The following CRTC3 variants were observed in gnomAD, a reference collection of about 807,000 sequenced individuals.
The protein encoded by CRTC3 is CREB regulated transcription coactivator 3.
CRTC3 carries 26 observed loss-of-function variants against 74.5 expected under a neutral mutation model. The ratio of observed to expected loss-of-function variants is 0.35; its 90% CI spans 0.26 to 0.48. The LOEUF is 0.48. CRTC3 is among the 20% of genes least tolerant of loss of function. The probability of loss-of-function intolerance (pLI) is 0.99; values close to 1 mark genes in which losing one functional copy is unlikely to be tolerated. For synonymous variants in CRTC3, 377 were observed against 325.8 expected, an observed-to-expected ratio of 1.16 and a Z score of -1.69; for missense variants, 760 against 787.3, an observed-to-expected ratio of 0.97 and a Z score of 0.41.
At chr15:90,586,946 T>A (rs1414477438) in intron 2 of CRTC3, among the ~76,000 whole-genome samples, 1 of 152,242 alleles carries the variant, frequency 6.6e-6, no homozygotes, top group Non-Finnish European at 1.5e-5. Context: ...TTCAGCTCAT[T>A]TCCTAACTTA....
At chr15:90,630,756 ATTTTTTTTTTTTTTTTTT>A (rs1175467073) in intron 11 of CRTC3, among the ~76,000 whole-genome samples, 1 of 23,632 alleles carries the variant, frequency 4.2e-5, no homozygotes, top group African/African-American at 1.1e-4. Flanking sequence ...TTACAGCATC[ATTTTTTTTTTTTTTTTTT>A]TTTTTTTTTT....
Position 90,638,145 on chromosome 15 carries a change from TAAAAC to T in CRTC3, c.1267-289_1267-285del, listed in dbSNP as rs71463752. The T allele has an allele frequency of 4.5e-5, 16 of 356,966 alleles. No individual in the cohort carries two copies. The East Asian group carries it at 6.8e-4, about 15-fold the overall frequency. The allele number at this position is 356,966 out of a possible 1,614,324, so 22.1% of individuals were successfully genotyped here. ...CACTTTTAACCAGAAGACACGGCTA[TAAAAC>T]AAAACAAAACATGATTTTCACGGAG... On this transcript the variant is annotated intron_variant, in intron 11 of 14. Coordinates refer to ENST00000268184, the MANE Select transcript of CRTC3 (RefSeq NM_022769.5).
intron 2 of CRTC3, among the ~76,000 whole-genome samples, chr15:90,554,599 T>C (rs1040792229): frequency 3.9e-5 from 6 of 152,262 alleles, no homozygotes; most frequent in African/African-American, 1.4e-4. Context: ...AACTACAGCG[T>C]AGGCTTGGGC....
rs982858018 is a variant in CRTC3 at position 90,614,375 on chromosome 15, G to A, written c.578-78G>A. 4.8e-6 allele frequency: 5 copies of A among 1,045,814 alleles called. No individual in the cohort carries two copies. In the Admixed American group the frequency reaches 6.1e-5, roughly 13 times the overall value. 64.8% of individuals were successfully genotyped at this position (1,045,814 alleles called of 1,614,324 possible). A position where few individuals can be genotyped will look rare whatever the true frequency, so the allele number is the denominator to read the frequency against. On this transcript the variant is annotated intron_variant, in intron 6 of 14. Transcript: ENST00000268184. ...AAAATTCTATTTCAAATCATAAAGA[G>A]TTACTGATTCATAAATTCATGAAAA...
intron 7 of CRTC3, among the ~76,000 whole-genome samples, chr15:90,615,063 AAAAT>A (rs746767999): frequency 0.011 from 1,646 of 151,822 alleles, 37 homozygotes; most frequent in African/African-American, 0.037. Context: ...ACTCCGTCTA[AAAAT>A]AAATAAATAA....
rs539844351 is a variant in CRTC3, at chr15:90,530,710, T to A, written c.132+507T>A. 21 of 152,340 alleles carry A rather than the reference T, an allele frequency of 1.4e-4. No homozygotes were observed. Among genetic ancestry groups the A allele is most frequent in the African/African-American group, 5.1e-4 (21 of 41,546 alleles). The allele number at this position is 152,340 out of a possible 1,614,324, so 9.4% of individuals were successfully genotyped here. ...ATCCAGGGCCCGGCCCTGGGGTGGC[T>A]CGGGTTGTTGGAACCACGACGGGAT... On this transcript the variant is annotated intron_variant, in intron 1 of 14. Transcript: ENST00000268184. The surrounding 1 kb of genome is among the most constrained non-coding windows in gnomAD (Gnocchi z 6.2).
intron 11 of CRTC3, among the ~76,000 whole-genome samples, chr15:90,636,343 T>C (rs1166455781): frequency 6.8e-6 from 1 of 147,360 alleles, no homozygotes; most frequent in African/African-American, 2.5e-5. Flanking sequence ...CTGGGAAAAC[T>C]GGCTAGCCAT....
chr15:90,585,564 G>T (rs1967641180), intron 2 of CRTC3, among the ~76,000 whole-genome samples: 1 of 152,158 alleles, frequency 6.6e-6, no homozygotes, highest in Non-Finnish European at 1.5e-5. Context: ...AAGCGGTGAG[G>T]TAAAGAGAAT....
At chr15:90,554,576 C>T (rs541069324) in intron 2 of CRTC3, among the ~76,000 whole-genome samples, 1 of 152,346 alleles carries the variant, frequency 6.6e-6, no homozygotes, top group African/African-American at 2.4e-5. Flanking sequence ...ATCGCTGACA[C>T]CTCTATTGCC....
intron 12 of CRTC3, 29 bp downstream of exon 12, chr15:90,638,675 A>T: frequency 6.2e-7 from 1 of 1,612,992 alleles, no homozygotes; most frequent in Middle Eastern, 1.6e-4. Flanking sequence ...GTTGGTGCAG[A>T]GGGAATGCTT....
chr15:90,587,943 T>C (rs913120054), intron 2 of CRTC3, among the ~76,000 whole-genome samples: 12 of 148,460 alleles, frequency 8.1e-5, no homozygotes, highest in Admixed American at 5.4e-4. Context: ...GACTTACACC[T>C]CCCTTGTTCT....
Position 90,641,921 on chromosome 15 carries a change from A to C in CRTC3, c.1652-11A>C, listed in dbSNP as rs559865447. ...AACCGCACTGTTTTCCCCTCTGGCC[A>C]CTCCTTTCAGAAGACTCCAGCACCA... On this transcript the variant is annotated splice_polypyrimidine_tract_variant and intron_variant, in intron 14 of 14. Coordinates refer to ENST00000268184, the MANE Select transcript of CRTC3 (RefSeq NM_022769.5). 6.2e-7 allele frequency: 1 copy of C among 1,612,216 alleles called. No individual in the cohort carries two copies. Among genetic ancestry groups the C allele is most frequent in the Non-Finnish European group, 8.5e-7 (1 of 1,179,466 alleles).
intron 2 of CRTC3, among the ~76,000 whole-genome samples, chr15:90,588,370 T>C (rs1264027172): frequency 6.6e-6 from 1 of 152,048 alleles, no homozygotes; most frequent in Non-Finnish European, 1.5e-5. Context: ...AAACTCAGAC[T>C]CTCAACAAAC....
chr15:90,616,971 G>A (rs758671367), intron 7 of CRTC3, among the ~76,000 whole-genome samples: 25 of 152,114 alleles, frequency 1.6e-4, no homozygotes, highest in Middle Eastern at 3.4e-3. Flanking sequence ...CCATTTCATC[G>A]TTGTTGCAGG....
chr15:90,593,743 G>A lies in CRTC3; in HGVS notation c.339G>A (p.Lys113=), dbSNP rs775455598. 3.7e-6 allele frequency: 6 copies of A among 1,602,926 alleles called. No individual in the cohort carries two copies. The highest frequency in any genetic ancestry group is 5.1e-6 in the Non-Finnish European group (6 of 1,170,916). The change falls in exon 3 of 15, where the codon AAG becomes AAA. Residue 113 remains lysine (K), a synonymous_variant. Coordinates refer to ENST00000268184, the MANE Select transcript of CRTC3 (RefSeq NM_022769.5). The stretch of plus-strand genomic sequence containing the variant: ...CCCTCCACCGAAGGTCTGGGGACAA[G>A]CCAGGGCGACAAATATCCTTTTTTA... The part of the protein sequence containing the change: ...FHPLHRRSGD[K]PGRQFDGSAF...
intron 2 of CRTC3, among the ~76,000 whole-genome samples, chr15:90,587,310 A>G (rs1967688233): frequency 6.6e-6 from 1 of 152,086 alleles, no homozygotes; most frequent in Non-Finnish European, 1.5e-5. Context: ...TTAGCTCTAA[A>G]CTTCTACCTG....
chr15:90,595,203 T>G (rs1333430377), intron 3 of CRTC3: 1 of 152,244 alleles, frequency 6.6e-6, no homozygotes, highest in African/African-American at 2.4e-5. Flanking sequence ...GATGGAGTGG[T>G]ACATCAAACC....
chr15:90,542,854 A>G (rs1156785533), intron 2 of CRTC3, among the ~76,000 whole-genome samples: 3 of 152,152 alleles, frequency 2.0e-5, no homozygotes, highest in East Asian at 1.9e-4. Context: ...TAACCCCTCA[A>G]TTGGGGTCTG....
intron 2 of CRTC3, among the ~76,000 whole-genome samples, chr15:90,583,011 C>CTT (rs952960457): frequency 6.6e-6 from 1 of 151,112 alleles, no homozygotes. Flanking sequence ...ATTTCTTCTT[C>CTT]TTTTTTTTTA....
Sources: gnomAD v4.1 joint callset for allele counts (sites outside exome capture counted in the v4.1 genomes callset) on GRCh38, gnomAD v4.1.1 for gene constraint, Gnocchi (gnomAD v3.1) non-coding constraint, MANE v1.5 for transcripts, NCBI Gene and HGNC (gene_info 2026-07-23, HGNC 2026-07-21) for gene names.